Variants in LRRC7 observed in about 807,000 individuals in gnomAD.
The protein encoded by LRRC7 is leucine-rich repeat-containing protein 7.
A neutral mutation model predicts 175.7 loss-of-function variants in LRRC7; 23 were observed. The ratio of observed to expected loss-of-function variants is 0.13; its 90% CI spans 0.09 to 0.19. The LOEUF is 0.19. LRRC7 is among the 10% of genes least tolerant of loss of function. The pLI, the probability that LRRC7 is intolerant of heterozygous loss-of-function variation, is 1.00. For missense variants in LRRC7, 1,354 were observed against 1,904.7 expected (o/e 0.71, Z 5.38); for synonymous variants, 685 against 680.9 (o/e 1.01, Z -0.09).
intron 2 of LRRC7, among the ~76,000 whole-genome samples, chr1:69,739,770 G>A (rs1341298279): frequency 1.3e-5 from 2 of 151,998 alleles, no homozygotes; most frequent in African/African-American, 4.8e-5. Context: ...GTCGTATTTT[G>A]CCAAAAACAA....
chr1:69,676,932 C>G (rs959197380), intron 1 of LRRC7, among the ~76,000 whole-genome samples: 1 of 151,844 alleles, frequency 6.6e-6, no homozygotes, highest in African/African-American at 2.4e-5. Flanking sequence ...TTAACCTTCT[C>G]CCACCCTTTC....
intron 7 of LRRC7, among the ~76,000 whole-genome samples, chr1:69,850,154 G>A (rs188420903): frequency 1.3e-5 from 2 of 151,864 alleles, no homozygotes; most frequent in African/African-American, 4.8e-5. Context: ...GATTTGAATG[G>A]TAGGAATGAT....
chr1:69,888,267 G>A lies in LRRC7; in HGVS notation c.648-43240G>A, dbSNP rs537781275. On this transcript the variant is annotated intron_variant, in intron 7 of 26. Transcript: ENST00000651989. ...TCAGACTGCTGTGCTAGCAATCAGC[G>A]AGACTCTGTGGGCGTAGGACCCTCG... Among the ~76,000 whole-genome samples, 37 of 152,230 alleles carry A rather than the reference G, an allele frequency of 2.4e-4. No homozygotes were observed. In the East Asian group the frequency reaches 4.8e-3, roughly 20 times the overall value.
intron 1 of LRRC7, among the ~76,000 whole-genome samples, chr1:69,659,536 T>C (rs969290788): frequency 2.0e-5 from 3 of 151,144 alleles, no homozygotes; most frequent in Admixed American, 6.6e-5. Flanking sequence ...AAAGATTACC[T>C]TTCAAGGAAG....
At chr1:69,782,482 A>G (rs954067975) in intron 3 of LRRC7, among the ~76,000 whole-genome samples, 1 of 152,158 alleles carries the variant, frequency 6.6e-6, no homozygotes, top group African/African-American at 2.4e-5. Flanking sequence ...GGTGGAGTGG[A>G]AAAGAGCTCC....
chr1:69,593,214 T>C (rs1208575980), intron 1 of LRRC7, among the ~76,000 whole-genome samples: 3 of 152,090 alleles, frequency 2.0e-5, no homozygotes, highest in African/African-American at 7.2e-5. Context: ...ACTTGAATTA[T>C]TAAGAAATCT....
At chr1:69,794,852 A>G (rs570662928) in intron 4 of LRRC7, among the ~76,000 whole-genome samples, 33 of 152,326 alleles carry the variant, frequency 2.2e-4, no homozygotes, top group South Asian at 6.2e-4. Flanking sequence ...ACTCAGAAGT[A>G]TCTGTAAGCA....
At chr1:69,949,566 TAGAG>T (rs10537023) in intron 8 of LRRC7, among the ~76,000 whole-genome samples, 30 of 151,216 alleles carry the variant, frequency 2.0e-4, no homozygotes, top group African/African-American at 5.1e-4. Context: ...CAAAGAAAAA[TAGAG>T]AGAGAGAGAG....
At chr1:69,596,534 G>C (rs1319351842) in intron 1 of LRRC7, among the ~76,000 whole-genome samples, 1 of 152,176 alleles carries the variant, frequency 6.6e-6, no homozygotes, top group Non-Finnish European at 1.5e-5. Context: ...ATCCACGGAA[G>C]TGTCGCAGAA....
chr1:69,716,880 G>A (rs1267664646), intron 2 of LRRC7, among the ~76,000 whole-genome samples: 1 of 151,704 alleles, frequency 6.6e-6, no homozygotes, highest in Non-Finnish European at 1.5e-5. Flanking sequence ...AAATCTCATT[G>A]CTCCATATTA....
chr1:69,587,939 A>G (rs535309836), intron 1 of LRRC7, among the ~76,000 whole-genome samples: 26 of 152,176 alleles, frequency 1.7e-4, no homozygotes, highest in Non-Finnish European at 2.8e-4. Context: ...CAGTGTTAGA[A>G]TGGACTAATA....
chr1:69,706,811 C>G (rs1225820979), intron 2 of LRRC7, among the ~76,000 whole-genome samples: 2 of 152,106 alleles, frequency 1.3e-5, no homozygotes, highest in Non-Finnish European at 2.9e-5. Context: ...GCCACAGCTT[C>G]CCACCCATTA....
chr1:70,093,136 G>GT (rs1430087819), intron 25 of LRRC7, among the ~76,000 whole-genome samples: 1 of 152,130 alleles, frequency 6.6e-6, no homozygotes, highest in Non-Finnish European at 1.5e-5. Flanking sequence ...TCCTCTCAAT[G>GT]AAGTGTATAA....
At chr1:70,036,740 G>A in intron 20 of LRRC7, 116 bp downstream of exon 20, 1 of 1,077,612 alleles carries the variant, frequency 9.3e-7, no homozygotes. Context: ...ATAGAAGACA[G>A]AAGGGGCAGG....
chr1:69,661,300 A>G (rs999632639), intron 1 of LRRC7, among the ~76,000 whole-genome samples: 2 of 152,156 alleles, frequency 1.3e-5, no homozygotes, highest in Middle Eastern at 6.3e-3. Flanking sequence ...CTTCCTAAAT[A>G]AATGAGTCAT....
At chr1:69,902,024 C>T (rs1646148836) in intron 7 of LRRC7, among the ~76,000 whole-genome samples, 1 of 152,052 alleles carries the variant, frequency 6.6e-6, no homozygotes, top group Non-Finnish European at 1.5e-5. Context: ...AATGTATGCT[C>T]CATCAGGGCA....
chr1:69,719,319 A>G (rs1250480156), intron 2 of LRRC7, among the ~76,000 whole-genome samples: 1 of 151,754 alleles, frequency 6.6e-6, no homozygotes, highest in East Asian at 1.9e-4. Flanking sequence ...TGAATAAATG[A>G]ATGAATGAAT....
At chr1:69,807,881 C>T (rs755701961) in intron 4 of LRRC7, among the ~76,000 whole-genome samples, 7 of 152,044 alleles carry the variant, frequency 4.6e-5, no homozygotes, top group Non-Finnish European at 5.9e-5. Context: ...GGATAATATC[C>T]TGAAGCACGC....
intron 3 of LRRC7, among the ~76,000 whole-genome samples, chr1:69,770,173 G>A (rs925487445): frequency 2.0e-5 from 3 of 152,156 alleles, no homozygotes; most frequent in Non-Finnish European, 4.4e-5. Context: ...AATGAGGGAT[G>A]TCATTAAAAG....
Sources: gnomAD v4.1 joint callset for allele counts (sites outside exome capture counted in the v4.1 genomes callset) on GRCh38, gnomAD v4.1.1 for gene constraint, MANE v1.5 for transcripts, NCBI Gene and HGNC (gene_info 2026-07-23, HGNC 2026-07-21) for gene names.